The following ITCH variants were observed in gnomAD, a reference collection of about 807,000 sequenced individuals.
ITCH encodes E3 ubiquitin-protein ligase Itchy homolog.
ITCH carries 28 observed loss-of-function variants against 126.8 expected under a neutral mutation model. The observed-to-expected ratio is 0.22, with a 90% CI of 0.16 to 0.30. ITCH has a LOEUF of 0.30. Among genes scored for constraint, ITCH ranks in the 10% least tolerant of loss-of-function variants. ITCH has a pLI of 1.00. For missense variants in ITCH, 631 were observed against 1,032.4 expected, an observed-to-expected ratio of 0.61 and a Z score of 5.33; for synonymous variants, 342 against 340.0, an observed-to-expected ratio of 1.01 and a Z score of -0.06.
intron 10 of ITCH, 23 bp from the exon 11 acceptor site, chr20:34,445,264 T>TTG: frequency 1.3e-6 from 2 of 1,585,336 alleles, no homozygotes; most frequent in Non-Finnish European, 1.7e-6. Context: ...TAGCTTGTTT[T>TTG]TTTTTTTTTT....
chr20:34,467,541 A>C (rs1440102295), intron 14 of ITCH, among the ~76,000 whole-genome samples: 1 of 151,846 alleles, frequency 6.6e-6, no homozygotes, highest in Non-Finnish European at 1.5e-5. Context: ...AAAAAAAGAA[A>C]AAAAAGATTT....
At chr20:34,433,226 G>T (rs556012148) in intron 7 of ITCH, among the ~76,000 whole-genome samples, 3 of 152,318 alleles carry the variant, frequency 2.0e-5, no homozygotes, top group Admixed American at 6.5e-5. Context: ...GGAGGCGGAG[G>T]TTGCAGTGAG....
chr20:34,416,342 A>G (rs1979846684), intron 6 of ITCH, among the ~76,000 whole-genome samples: 1 of 152,228 alleles, frequency 6.6e-6, no homozygotes, highest in Non-Finnish European at 1.5e-5. Context: ...AGGTTGTGGT[A>G]AGCTGAGATC....
At chr20:34,396,937 T>C (rs2038698651) in intron 3 of ITCH, among the ~76,000 whole-genome samples, 2 of 152,214 alleles carry the variant, frequency 1.3e-5, no homozygotes, top group Non-Finnish European at 2.9e-5. Context: ...CCTTAGGTAC[T>C]TCTCTTAGAC....
At chr20:34,456,856 A>ACAGGC (rs1986056787) in intron 12 of ITCH, among the ~76,000 whole-genome samples, 1 of 151,610 alleles carries the variant, frequency 6.6e-6, no homozygotes, top group African/African-American at 2.4e-5. Flanking sequence ...TGCTGGGATT[A>ACAGGC]CAGGCCTGAG....
intron 23 of ITCH, among the ~76,000 whole-genome samples, chr20:34,500,526 A>T (rs1191875944): frequency 2.6e-5 from 4 of 152,092 alleles, no homozygotes; most frequent in South Asian, 2.1e-4. Flanking sequence ...TATCTTTTTC[A>T]TCCCTTCCTT....
chr20:34,469,437 T>A (rs889243740), intron 14 of ITCH, among the ~76,000 whole-genome samples: 12 of 152,108 alleles, frequency 7.9e-5, no homozygotes, highest in African/African-American at 2.9e-4. Flanking sequence ...TAGAGGCACC[T>A]GCCACCACAC....
At chr20:34,475,824 C>A in intron 16 of ITCH, 1 of 706,594 alleles carries the variant, frequency 1.4e-6, no homozygotes, top group South Asian at 1.6e-5. Flanking sequence ...TAAAGCTAGT[C>A]ATAATACAGA....
chr20:34,481,710 T>G (rs1988765444), intron 20 of ITCH, among the ~76,000 whole-genome samples: 1 of 152,186 alleles, frequency 6.6e-6, no homozygotes, highest in South Asian at 2.1e-4. Context: ...GGAAAACTCC[T>G]GTTTTTAAAA....
intron 7 of ITCH, 68 bp downstream of exon 7, chr20:34,424,593 T>A: frequency 7.9e-7 from 1 of 1,271,514 alleles, no homozygotes; most frequent in Non-Finnish European, 1.2e-6. Context: ...CATTTTAGTG[T>A]AAACTTCAGG....
At chr20:34,467,678 ATTTTTTTTTT>A (rs147009659) in intron 14 of ITCH, among the ~76,000 whole-genome samples, 23 of 98,054 alleles carry the variant, frequency 2.3e-4, no homozygotes, top group African/African-American at 8.1e-4. Flanking sequence ...TTTCTTTTTC[ATTTTTTTTTT>A]TTTTTTTTTT....
intron 12 of ITCH, among the ~76,000 whole-genome samples, chr20:34,450,239 T>A (rs142500866): frequency 1.3e-4 from 20 of 152,354 alleles, no homozygotes; most frequent in African/African-American, 4.1e-4. Context: ...ATGAAGTATA[T>A]GTGAGACTTT....
chr20:34,417,289 G>T (rs1980030078), intron 6 of ITCH: 1 of 459,414 alleles, frequency 2.2e-6, no homozygotes, highest in Non-Finnish European at 4.0e-6. Context: ...TAGAGACAGG[G>T]TTTCTCCGTG....
At chr20:34,400,164 C>G (rs2038822794) in intron 3 of ITCH, among the ~76,000 whole-genome samples, 2 of 152,034 alleles carry the variant, frequency 1.3e-5, no homozygotes, top group Admixed American at 1.3e-4. Context: ...GTCTTGATCT[C>G]CTGACCTTGT....
chr20:34,486,665 TTTTA>T (rs71194610), intron 20 of ITCH, among the ~76,000 whole-genome samples: 5 of 149,208 alleles, frequency 3.4e-5, no homozygotes, highest in South Asian at 2.1e-4. Flanking sequence ...ATTTTATTTA[TTTTA>T]TTTATTTATT....
chr20:34,476,587 T>A, intron 16 of ITCH: 1 of 602,640 alleles, frequency 1.7e-6, no homozygotes, highest in Non-Finnish European at 2.3e-6. Flanking sequence ...ATACTTGGCA[T>A]AAACGTACAT....
At chr20:34,486,384 G>A (rs1600473647) in intron 20 of ITCH, among the ~76,000 whole-genome samples, 2 of 149,438 alleles carry the variant, frequency 1.3e-5, no homozygotes, top group South Asian at 4.2e-4. Flanking sequence ...GGAGTGCAGC[G>A]GTACAATCTT....
chr20:34,463,246 C>T (rs1765963472), intron 14 of ITCH, among the ~76,000 whole-genome samples: 1 of 152,074 alleles, frequency 6.6e-6, no homozygotes, highest in African/African-American at 2.4e-5. Flanking sequence ...ACCTGTAATC[C>T]CGGCTACTCG....
chr20:34,403,678 C>T lies in ITCH; in HGVS notation c.71-4973C>T, dbSNP rs113254602. On this transcript the variant is annotated intron_variant, in intron 3 of 24. Transcript: ENST00000374864. ...AAAATGAAAAGCTGACGGAGCCATA[C>T]GTAAATATGGAAATACTCTGGAAGC... Among the ~76,000 whole-genome samples, 558 of 151,772 alleles carry T rather than the reference C, an allele frequency of 3.7e-3. 2 individuals are homozygous for T. Among genetic ancestry groups the T allele is most frequent in the African/African-American group, 0.012 (478 of 41,384 alleles).
Sources: allele counts gnomAD v4.1 joint callset (sites outside exome capture counted in the v4.1 genomes callset), GRCh38; gene constraint gnomAD v4.1.1; transcripts MANE v1.5; gene names NCBI Gene and HGNC (gene_info 2026-07-23, HGNC 2026-07-21).